CC2D1B: variants seen among roughly 807,000 people sequenced by gnomAD.
CC2D1B encodes the protein coiled-coil and C2 domain-containing protein 1B.
In CC2D1B, 92 loss-of-function variants were observed where a neutral mutation model predicts 110.8. The ratio of observed to expected loss-of-function variants is 0.83; its 90% CI spans 0.70 to 0.99. The LOEUF (loss-of-function observed/expected upper bound fraction) is 0.99, where lower values mean the gene tolerates loss of function less well. CC2D1B is among the 50% of genes least tolerant of loss of function. CC2D1B has a pLI of 0.00. For synonymous variants in CC2D1B, 406 were observed against 429.2 expected (o/e 0.95, Z 0.67); for missense variants, 1,136 against 1,089.0 (o/e 1.04, Z -0.61).
rs1292033687 is a variant in CC2D1B at position 52,357,609 on chromosome 1, C to T, written c.1669G>A (p.Ala557Thr). The change falls in exon 15 of 25, where the codon GCC becomes ACC. Residue 557 changes from alanine (A) to threonine (T), a missense_variant. Transcript: ENST00000284376. ...QAKRSQDLEQAKAYLRVAKWL... is the reference protein window; with the variant it reads ...QAKRSQDLEQTKAYLRVAKWL... ...TTGGCTACCCGCAGATAGGCTTTGG[C>T]CTGCTCCAGGTCCTGGCTGCGCTTG... The T allele has an allele frequency of 2.5e-6, 4 of 1,589,666 alleles. No homozygotes were observed. Among genetic ancestry groups the T allele is most frequent in the Non-Finnish European group, 3.4e-6 (4 of 1,167,236 alleles).
Position 52,360,593 on chromosome 1 carries a change from T to C in CC2D1B, c.478-44A>G, listed in dbSNP as rs112180190. 6.9e-6 allele frequency: 11 copies of C among 1,595,244 alleles called. No homozygotes were observed. In the African/African-American group the frequency reaches 1.2e-4, roughly 18 times the overall value. On this transcript the variant is annotated intron_variant, in intron 5 of 24. Coordinates refer to ENST00000284376, the MANE Select transcript of CC2D1B (RefSeq NM_001330585.2). ...AGGGCCTGGCCACTCCAGGGCCTGC[T>C]AGGCCTACCATTCTCCCTCTGCGGA... is the stretch of plus-strand genomic sequence containing the variant.
chr1:52,358,742 A>G lies in CC2D1B; in HGVS notation c.1274T>C (p.Ile425Thr), dbSNP rs920860588. 2 of 1,611,560 alleles carry G rather than the reference A, an allele frequency of 1.2e-6. No homozygotes were observed. Among genetic ancestry groups the G allele is most frequent in the African/African-American group, 1.3e-5 (1 of 74,768 alleles). Residue 425 changes from isoleucine to threonine, a missense_variant, in exon 12 of 25, where the codon ATT becomes ACT. Coordinates refer to ENST00000284376, the MANE Select transcript of CC2D1B (RefSeq NM_001330585.2). Reference protein sequence around the residue: ...ERIAKQYQDAIRAHRAGRKVN... With the variant: ...ERIAKQYQDATRAHRAGRKVN... Reference sequence around the variant, plus strand: ...TTTCCGTCCTGCTCGGTGTGCTCGAATAGCATCTTGATATTGCTGCAAGGG... The same window carrying G: ...TTTCCGTCCTGCTCGGTGTGCTCGAGTAGCATCTTGATATTGCTGCAAGGG...
At chr1:52,358,951 C>T (rs1376405129) in intron 11 of CC2D1B, 76 bp downstream of exon 11, 10 of 1,573,668 alleles carry the variant, frequency 6.4e-6, no homozygotes, top group African/African-American at 4.0e-5. Flanking sequence ...AAGGACTAGC[C>T]GGAGGACCAG....
Position 52,356,985 on chromosome 1 carries a change from C to G in CC2D1B, c.1878+16G>C, listed in dbSNP as rs182689024. ...TGTGGGCACAGAGGGGAGGAACAGA[C>G]GAGGGGCCTGCTGACCTCTTGTTGC... On this transcript the variant is annotated intron_variant, in intron 16 of 24. Transcript: ENST00000284376. 1.3e-6 allele frequency: 2 copies of G among 1,549,430 alleles called. No individual in the cohort carries two copies. The highest frequency in any genetic ancestry group is 4.9e-5 in the East Asian group (2 of 40,896).
At chr1:52,354,472 C>T (rs1238454297) in intron 23 of CC2D1B, 136 bp downstream of exon 23, 1 of 816,022 alleles carries the variant, frequency 1.2e-6, no homozygotes, top group Non-Finnish European at 2.2e-6. Flanking sequence ...ATGAGGATTC[C>T]ACCTACTCTA....
Position 52,366,193 on chromosome 1 carries a change from A to C in CC2D1B, c.-139T>G, listed in dbSNP as rs1397760275. On this transcript the variant is annotated 5_prime_UTR_variant, in exon 1 of 25. Coordinates refer to ENST00000284376, the MANE Select transcript of CC2D1B (RefSeq NM_001330585.2). ...GCAGGGGAGGTGGCTCGCGCGCAAC[A>C]CGTGACCCCACTGGCCGGCGGCCGG... The C allele has an allele frequency of 6.6e-6, 1 of 152,212 alleles. No homozygotes were observed. Among genetic ancestry groups the C allele is most frequent in the Non-Finnish European group, 1.5e-5 (1 of 68,076 alleles). The allele number at this position is 152,212 out of a possible 1,614,324, so 9.4% of individuals were successfully genotyped here.
At chr1:52,362,792 A>G in intron 2 of CC2D1B, 46 bp from the exon 3 acceptor site, 1 of 1,604,262 alleles carries the variant, frequency 6.2e-7, no homozygotes, top group Non-Finnish European at 8.5e-7. Flanking sequence ...CAAGCAGGGT[A>G]GGGTCCAGCT....
chr1:52,354,539 T>C (rs1032557433), intron 23 of CC2D1B, 69 bp downstream of exon 23: 2 of 1,221,852 alleles, frequency 1.6e-6, no homozygotes, highest in East Asian at 2.3e-5. Context: ...TACAACAAGG[T>C]GTGGCATTCA....
rs767068004 is a variant in CC2D1B at position 52,355,430 on chromosome 1, T to C, written c.2207A>G (p.Lys736Arg). 8.1e-6 allele frequency: 13 copies of C among 1,614,044 alleles called. No homozygotes were observed. Among genetic ancestry groups the C allele is most frequent in the Non-Finnish European group, 1.0e-5 (12 of 1,180,032 alleles). The part of the protein sequence containing the change: ...YPNSDQAQKS[K>R]TAVVKNTNSP... ...GTTTGTGTTCTTCACCACAGCTGTT[T>C]TGCTTTTTTGAGCCTGGTCCTAAGC... Residue 736 changes from lysine to arginine, a missense_variant, in exon 21 of 25, where the codon AAA becomes AGA. Lys to Arg is a conservative substitution (Grantham distance 26, BLOSUM62 2). Coordinates refer to ENST00000284376, the MANE Select transcript of CC2D1B (RefSeq NM_001330585.2).
rs1489911778 is a variant in CC2D1B, at chr1:52,359,080, C to G, written c.1204G>C (p.Ala402Pro). The change falls in exon 11 of 25, where the codon GCC (alanine) becomes CCC (proline). Residue 402 changes from alanine to proline, a missense_variant. Ala to Pro is a conservative substitution (Grantham distance 27). Transcript: ENST00000284376. ...LNKYREAGIQ[A>P]RSGGDERKAR... ...TTGCGCTCGTCCCCACCACTCCGGG[C>G]CTGGATGCCCGCCTCGCGGTACTTG... The G allele has an allele frequency of 1.2e-6, 2 of 1,609,398 alleles. No homozygotes were observed. Among genetic ancestry groups the G allele is most frequent in the South Asian group, 2.2e-5 (2 of 91,086 alleles).
In CC2D1B at chr1:52,357,078, G is replaced by A. The variant is rs370572367; in HGVS notation, c.1801C>T (p.His601Tyr). The A allele has an allele frequency of 3.1e-6, 5 of 1,612,240 alleles. No homozygotes were observed. The highest frequency in any genetic ancestry group is 2.2e-5 in the East Asian group (1 of 44,856). Residue 601 changes from histidine (H) to tyrosine (Y), a missense_variant, in exon 16 of 25, where the codon CAT (histidine) becomes TAT (tyrosine). By Grantham distance (83) the His-to-Tyr change is moderately conservative. Coordinates refer to ENST00000284376, the MANE Select transcript of CC2D1B (RefSeq NM_001330585.2). ...TTCTGGGAGAGTCGCAGGTCCTCAT[G>A]GTGGATGAGGATGAAGTCACCCTCC... ...DEEGDFILIHHEDLRLSQKAE... is the reference protein window; with the variant it reads ...DEEGDFILIHYEDLRLSQKAE...
chr1:52,351,625 C>T lies in CC2D1B; in HGVS notation c.*1600G>A, dbSNP rs1646531720. 1 of 152,156 alleles carries T rather than the reference C, an allele frequency of 6.6e-6. No homozygotes were observed. Among genetic ancestry groups the T allele is most frequent in the African/African-American group, 2.4e-5 (1 of 41,424 alleles). The allele number at this position is 152,156 out of a possible 1,614,324, so 9.4% of individuals were successfully genotyped here. A position where few individuals can be genotyped will look rare whatever the true frequency, so the allele number is the denominator to read the frequency against. Reference sequence around the variant, plus strand: ...GGCCAGCCGGGTGCGGTGGCTCACACCTGTAATCCCAGCACTTTGGGAGGC... The same window carrying T: ...GGCCAGCCGGGTGCGGTGGCTCACATCTGTAATCCCAGCACTTTGGGAGGC... On this transcript the variant is annotated 3_prime_UTR_variant, in exon 25 of 25. Transcript: ENST00000284376.
chr1:52,353,467 G>T (rs903671872), intron 24 of CC2D1B, 51 bp downstream of exon 24: 26 of 1,566,362 alleles, frequency 1.7e-5, no homozygotes, highest in Non-Finnish European at 2.0e-5. Context: ...TGAGTAGTTA[G>T]TTGAGTAAAA....
intron 16 of CC2D1B, chr1:52,356,754 C>G (rs1646661774): frequency 3.3e-6 from 2 of 598,012 alleles, no homozygotes; most frequent in Admixed American, 3.0e-5. Flanking sequence ...CATAAACATA[C>G]ACGCACATCA....
At chr1:52,353,687 C>T (rs1227657676) in intron 23 of CC2D1B, 40 bp from the exon 24 acceptor site, 102 of 1,488,574 alleles carry the variant, frequency 6.9e-5, no homozygotes, top group Non-Finnish European at 9.3e-5. Context: ...ACTAAGGGGA[C>T]AGAGATGGGG....
intron 23 of CC2D1B, chr1:52,354,306 C>G (rs72666818): frequency 0.032 from 18,450 of 578,330 alleles, 450 homozygotes; most frequent in Non-Finnish European, 0.045. Flanking sequence ...TACAGAACCC[C>G]CTTTCCTCTC....
At chr1:52,359,560 G>A in intron 8 of CC2D1B, 26 bp from the exon 9 acceptor site, 2 of 1,610,958 alleles carry the variant, frequency 1.2e-6, no homozygotes, top group East Asian at 2.2e-5. Flanking sequence ...AAGCAGGTGT[G>A]GGTGAAAGAC....
chr1:52,355,267 C>T, intron 21 of CC2D1B, 131 bp downstream of exon 21: 1 of 932,258 alleles, frequency 1.1e-6, no homozygotes. Context: ...ACAGAAGAAG[C>T]ATGTTAACAG....
At chr1:52,354,790 C>T (rs369565318) in intron 22 of CC2D1B, 50 bp downstream of exon 22, 37 of 1,601,978 alleles carry the variant, frequency 2.3e-5, no homozygotes, top group Non-Finnish European at 4.3e-6. Flanking sequence ...GTGACAAACG[C>T]TCTTCCCTCC....
Sources: allele counts gnomAD v4.1 joint callset, GRCh38; gene constraint gnomAD v4.1.1; transcripts MANE v1.5; gene names NCBI Gene and HGNC (gene_info 2026-07-23, HGNC 2026-07-21).